CDC25C: variants seen among roughly 807,000 people sequenced by gnomAD.
CDC25C encodes the protein cell division cycle 25C, also known as M-phase inducer phosphatase 3.
A neutral mutation model predicts 52.5 loss-of-function variants in CDC25C; 48 were observed. The ratio of observed to expected loss-of-function variants is 0.91; its 90% CI spans 0.72 to 1.16. CDC25C has a LOEUF of 1.16. Among genes scored for constraint, CDC25C ranks in the 50% most tolerant of loss-of-function variants. CDC25C has a pLI of 0.00. For synonymous variants in CDC25C, 187 were observed against 206.5 expected (o/e 0.91, Z 0.81); for missense variants, 510 against 566.1 (o/e 0.90, Z 1.01).
chr5:138,319,106 A>C, intron 7 of CDC25C, 113 bp downstream of exon 7: 4 of 882,474 alleles, frequency 4.5e-6, no homozygotes, highest in Non-Finnish European at 7.0e-6. Context: ...TGCTGGATTC[A>C]CTAGTTATTT....
At chr5:138,330,088 A>G (rs563847104) in intron 2 of CDC25C, among the ~76,000 whole-genome samples, 1 of 152,298 alleles carries the variant, frequency 6.6e-6, no homozygotes, top group Non-Finnish European at 1.5e-5. Flanking sequence ...ACAGTGTCCA[A>G]ATAAATCTAA....
chr5:138,324,010 C>T (rs925157321), intron 6 of CDC25C, among the ~76,000 whole-genome samples: 4 of 150,918 alleles, frequency 2.7e-5, no homozygotes, highest in Non-Finnish European at 4.4e-5. Context: ...GTGGCTCACA[C>T]CTGTAATCCT....
chr5:138,289,895 T>G (rs1450168936), intron 9 of CDC25C, among the ~76,000 whole-genome samples: 1 of 143,526 alleles, frequency 7.0e-6, no homozygotes, highest in Non-Finnish European at 1.5e-5. Context: ...AAAGAAATAA[T>G]ATGGAGCTAT....
rs778793129 is a variant in CDC25C at position 138,287,238 on chromosome 5, C to T, written c.957G>A (p.Gln319=). 1 of 1,614,058 alleles carries T rather than the reference C, an allele frequency of 6.2e-7. No homozygotes were observed. Among genetic ancestry groups the T allele is most frequent in the East Asian group, 2.2e-5 (1 of 44,874 alleles). ...TVAALLSGKF[Q]GLIEKFYVID... is the part of the protein sequence containing the mutation. ...TGACATAAAACTTCTCAATCAGACC[C>T]TGGAACTTCCCCGACAGTAAGGCAG... is the stretch of plus-strand genomic sequence containing the variant. The change falls in exon 11 of 14, where the codon CAG becomes CAA. Residue 319 remains glutamine (Q), a synonymous_variant. Transcript: ENST00000323760.
intron 7 of CDC25C, among the ~76,000 whole-genome samples, chr5:138,304,063 A>G (rs1340025517): frequency 2.6e-5 from 4 of 152,370 alleles, no homozygotes; most frequent in Admixed American, 6.5e-5. Flanking sequence ...TTCAAACTGC[A>G]TATGACTAAA....
At chr5:138,307,493 A>C (rs1226581653) in intron 7 of CDC25C, among the ~76,000 whole-genome samples, 1 of 147,664 alleles carries the variant, frequency 6.8e-6, no homozygotes, top group Non-Finnish European at 1.5e-5. Context: ...ACTGCCACAA[A>C]AAAAAAAAAA....
chr5:138,294,815 A>G (rs1333841429), intron 7 of CDC25C, among the ~76,000 whole-genome samples: 1 of 148,754 alleles, frequency 6.7e-6, no homozygotes. Flanking sequence ...CGCTCAGCTA[A>G]TTTTCCTATT....
In CDC25C at chr5:138,322,466, A is replaced by ATTTTTTTTTTTT. The variant is rs71585117; in HGVS notation, c.460-3104_460-3093dup. Among the ~76,000 whole-genome samples, 6 of 67,954 alleles carry ATTTTTTTTTTTT rather than the reference A, an allele frequency of 8.8e-5. 1 individual carries two copies. Among genetic ancestry groups the ATTTTTTTTTTTT allele is most frequent in the Admixed American group, 2.0e-4 (1 of 5,032 alleles). The allele number at this position is 67,954 out of a possible 152,430, so 44.6% of individuals were successfully genotyped here. A position where few individuals can be genotyped will look rare whatever the true frequency, so the allele number is the denominator to read the frequency against. ...AGATGCCTGCCACCACGCCCGGCTA[A>ATTTTTTTTTTTT]TTTTTTTTTTTTTTTTTTTTTTTTT... On this transcript the variant is annotated intron_variant, in intron 6 of 13. Transcript: ENST00000323760.
intron 7 of CDC25C, among the ~76,000 whole-genome samples, chr5:138,308,987 T>G (rs1179686101): frequency 6.6e-6 from 1 of 152,180 alleles, no homozygotes; most frequent in African/African-American, 2.4e-5. Context: ...GGATGTATAC[T>G]GCTTAGCACA....
At chr5:138,299,666 A>G (rs1757493575) in intron 7 of CDC25C, among the ~76,000 whole-genome samples, 1 of 151,864 alleles carries the variant, frequency 6.6e-6, no homozygotes, top group Non-Finnish European at 1.5e-5. Context: ...TAATGCTTAG[A>G]AAAAAATTTA....
At chr5:138,301,570 A>G (rs997013454) in intron 7 of CDC25C, among the ~76,000 whole-genome samples, 2 of 151,934 alleles carry the variant, frequency 1.3e-5, no homozygotes, top group African/African-American at 4.8e-5. Context: ...TGAAAAAAAA[A>G]GAGGGAATTA....
intron 7 of CDC25C, among the ~76,000 whole-genome samples, chr5:138,293,005 C>G (rs1334298331): frequency 1.3e-5 from 2 of 152,200 alleles, no homozygotes; most frequent in African/African-American, 4.8e-5. Context: ...AGAGCCATAA[C>G]TGGAAGGCAG....
chr5:138,297,718 A>C (rs1757319507), intron 7 of CDC25C, among the ~76,000 whole-genome samples: 1 of 152,238 alleles, frequency 6.6e-6, no homozygotes, highest in African/African-American at 2.4e-5. Context: ...TGAACAAAAG[A>C]GTAAAAGAAA....
intron 12 of CDC25C, 92 bp from the exon 13 acceptor site, chr5:138,286,225 T>C: frequency 1.0e-6 from 1 of 1,002,102 alleles, no homozygotes; most frequent in Non-Finnish European, 1.5e-6. Flanking sequence ...AGGAGTAGAC[T>C]ATTGCCAACC....
intron 7 of CDC25C, among the ~76,000 whole-genome samples, chr5:138,294,024 ATTTTTT>A (rs36022580): frequency 2.4e-5 from 3 of 125,976 alleles, no homozygotes; most frequent in Non-Finnish European, 4.9e-5. Context: ...TTTTCTTTGG[ATTTTTT>A]TTTTTTTTTT....
intron 6 of CDC25C, among the ~76,000 whole-genome samples, chr5:138,325,341 C>G (rs993265334): frequency 2.0e-5 from 3 of 151,988 alleles, no homozygotes; most frequent in Admixed American, 6.6e-5. Context: ...TAACTTGGAA[C>G]GACGGATGGC....
At chr5:138,335,907 A>T (rs933283758), upstream of CDC25C, among the ~76,000 whole-genome samples, 4 of 151,874 alleles carry the variant, frequency 2.6e-5, no homozygotes, top group African/African-American at 9.7e-5. Context: ...AATAATAAAA[A>T]GGTGAACAGC....
At chr5:138,338,252 C>G in exon 1 of CDC25C, 1 of 1,113,752 alleles carries the variant, frequency 9.0e-7, no homozygotes, top group South Asian at 1.3e-5. Flanking sequence ...CACCGTGGGG[C>G]GAACCGAGCG....
At chr5:138,288,613 C>T (rs1275485650) in intron 10 of CDC25C, among the ~76,000 whole-genome samples, 1 of 152,032 alleles carries the variant, frequency 6.6e-6, no homozygotes, top group Admixed American at 6.5e-5. Context: ...GGAGAATGAC[C>T]TCCGGGAGGC....
Sources: gnomAD v4.1 joint callset for allele counts (sites outside exome capture counted in the v4.1 genomes callset) on GRCh38, gnomAD v4.1.1 for gene constraint, MANE v1.5 for transcripts, NCBI Gene and HGNC (gene_info 2026-07-23, HGNC 2026-07-21) for gene names.